TRPV5: variants seen among roughly 807,000 people sequenced by gnomAD.
TRPV5 encodes the protein transient receptor potential cation channel subfamily V member 5, also known as calcium transport protein 2.
TRPV5 carries 66 observed loss-of-function variants against 74.1 expected under a neutral mutation model. The ratio of observed to expected loss-of-function variants is 0.89; its 90% CI spans 0.73 to 1.09. The LOEUF (loss-of-function observed/expected upper bound fraction) is 1.09. TRPV5 is among the 50% of genes least tolerant of loss of function. The probability of loss-of-function intolerance (pLI) is 0.00; values close to 1 mark genes in which losing one functional copy is unlikely to be tolerated. For synonymous variants in TRPV5, 399 were observed against 360.7 expected, an observed-to-expected ratio of 1.11 and a Z score of -1.20; for missense variants, 936 against 930.4, an observed-to-expected ratio of 1.01 and a Z score of -0.08.
rs764773053 is a variant in TRPV5, at chr7:142,929,458, G to A, written c.457C>T (p.Arg153Cys). 2.7e-5 allele frequency: 43 copies of A among 1,613,966 alleles called. No homozygotes were observed. Among genetic ancestry groups the A allele is most frequent in the Non-Finnish European group, 3.1e-5 (37 of 1,180,016 alleles). Residue 153 changes from arginine to cysteine, a missense_variant, in exon 4 of 15, where the codon CGC (arginine) becomes TGC (cysteine). Coordinates refer to ENST00000265310, the MANE Select transcript of TRPV5 (RefSeq NM_019841.7). ...VSARATGTAF[R>C]HSPRNLIYFG... Reference sequence around the variant, plus strand: ...TAGATGAGGTTGCGGGGACTATGGCGGAAGGCAGTGCCTGTGGCTCTGGCA... The same window carrying A: ...TAGATGAGGTTGCGGGGACTATGGCAGAAGGCAGTGCCTGTGGCTCTGGCA...
Position 142,933,356 on chromosome 7 carries a change from T to C in TRPV5, c.104A>G (p.Lys35Arg), listed in dbSNP as rs767032704. The C allele has an allele frequency of 6.2e-7, 1 of 1,614,016 alleles. No homozygotes were observed. The highest frequency in any genetic ancestry group is 1.1e-5 in the South Asian group (1 of 91,068). Reference sequence around the variant, plus strand: ...CCTCTTCTGCTGCAGCATATGAAGCTTGTCCAGGTGCTGGTCCCAGTCTTG... The same window carrying C: ...CCTCTTCTGCTGCAGCATATGAAGCCTGTCCAGGTGCTGGTCCCAGTCTTG... Reference protein sequence around the residue: ...REQDWDQHLDKLHMLQQKRIL... With the variant: ...REQDWDQHLDRLHMLQQKRIL... The change falls in exon 1 of 15, where the codon AAG becomes AGG. Residue 35 changes from lysine to arginine, a missense_variant. By Grantham distance (26) the Lys-to-Arg change is conservative. Coordinates refer to ENST00000265310, the MANE Select transcript of TRPV5 (RefSeq NM_019841.7).
rs773921836 is a variant in TRPV5, at chr7:142,915,325, C to T, written c.1268G>A (p.Gly423Glu). ...SRYFGKTILG[G>E]PFHVIIITYA... Reference sequence around the variant, plus strand: ...TACTCACATGATGACATGGAATGGCCCCCCAAGAATCGTCTTTCCAAAATA... The same window carrying T: ...TACTCACATGATGACATGGAATGGCTCCCCAAGAATCGTCTTTCCAAAATA... Residue 423 changes from glycine (G) to glutamate (E), a missense_variant, in exon 10 of 15, where the codon GGG becomes GAG. Physicochemically the swap from Gly to Glu is moderately conservative, Grantham distance 98 (BLOSUM62 -2). Coordinates refer to ENST00000265310, the MANE Select transcript of TRPV5 (RefSeq NM_019841.7). 5 of 1,608,396 alleles carry T rather than the reference C, an allele frequency of 3.1e-6. No individual in the cohort carries two copies. The Middle Eastern group carries it at 6.6e-4, about 213-fold the overall frequency.
intron 8 of TRPV5, among the ~76,000 whole-genome samples, chr7:142,922,856 A>G (rs1403410474): frequency 1.3e-5 from 2 of 152,226 alleles, no homozygotes; most frequent in Non-Finnish European, 2.9e-5. Context: ...AATCTCTAGT[A>G]AAGCAGAACT....
In TRPV5 at chr7:142,915,337, G is replaced by A. The variant is rs140408532; in HGVS notation, c.1256C>T (p.Thr419Met). Residue 419 changes from threonine (T) to methionine (M), a missense_variant, in exon 10 of 15, where the codon ACG (threonine) becomes ATG (methionine). Coordinates refer to ENST00000265310, the MANE Select transcript of TRPV5 (RefSeq NM_019841.7). ...RVGASRYFGK[T>M]ILGGPFHVII... ...GACATGGAATGGCCCCCCAAGAATC[G>A]TCTTTCCAAAATAGCGAGAGGCACC... is the stretch of plus-strand genomic sequence containing the variant. The A allele has an allele frequency of 2.4e-5, 38 of 1,608,196 alleles. No homozygotes were observed. Among genetic ancestry groups the A allele is most frequent in the East Asian group, 6.7e-5 (3 of 44,856 alleles).
chr7:142,918,099 G>A (rs1292737926), intron 8 of TRPV5, among the ~76,000 whole-genome samples: 2 of 152,196 alleles, frequency 1.3e-5, no homozygotes, highest in African/African-American at 2.4e-5. Context: ...TTAAATTGAA[G>A]TGCTAATAGG....
chr7:142,920,410 A>T lies in TRPV5; in HGVS notation c.1123-4842T>A, dbSNP rs77062354. On this transcript the variant is annotated intron_variant, in intron 8 of 14. Transcript: ENST00000265310. The stretch of plus-strand genomic sequence containing the variant: ...AGAGGAGTATCTGGGGGTATGAATC[A>T]GTATCTGGGGGTATGAATCTTTCTA... Among the ~76,000 whole-genome samples the T allele has an allele frequency of 3.4e-3, 523 of 152,332 alleles. 2 individuals carry two copies. Among genetic ancestry groups the T allele is most frequent in the African/African-American group, 0.012 (509 of 41,576 alleles).
chr7:142,908,666 A>G lies in TRPV5; in HGVS notation c.2038T>C (p.Ser680Pro). Residue 680 changes from serine (S) to proline (P), a missense_variant, in exon 15 of 15, where the codon TCT (serine) becomes CCT (proline). Physicochemically the swap from Ser to Pro is moderately conservative, Grantham distance 74. Transcript: ENST00000265310. Reference sequence around the variant, plus strand: ...AGGGAGGAAGTTGGAAGAGCCAAAGAGGCTCTGGCTAGAGTCCCACTCTCA... The same window carrying G: ...AGGGAGGAAGTTGGAAGAGCCAAAGGGGCTCTGGCTAGAGTCCCACTCTCA... ...GAESGTLARA[S>P]LALPTSSLSR... is the part of the protein sequence containing the mutation. 1 of 1,614,218 alleles carries G rather than the reference A, an allele frequency of 6.2e-7. No homozygotes were observed.
Position 142,933,746 on chromosome 7 carries a change from T to G in TRPV5, c.-287A>C. ...GTGCATGCAGGTGCGCTGAGGGGAC[T>G]GACCGCCCTGCCTGGGGAGAAGTGC... On this transcript the variant is annotated 5_prime_UTR_variant, in exon 1 of 15. Transcript: ENST00000265310. 2 of 367,374 alleles carry G rather than the reference T, an allele frequency of 5.4e-6. No individual in the cohort carries two copies. Among genetic ancestry groups the G allele is most frequent in the Non-Finnish European group, 9.7e-6 (2 of 205,674 alleles). 22.8% of individuals were successfully genotyped at this position (367,374 alleles called of 1,614,324 possible).
chr7:142,927,868 C>T (rs148077005), intron 7 of TRPV5, among the ~76,000 whole-genome samples: 186 of 152,194 alleles, frequency 1.2e-3, no homozygotes, highest in African/African-American at 4.3e-3. Context: ...TGATAGAAGG[C>T]GAAAGGTAGG....
rs544550450 is a variant in TRPV5, at chr7:142,912,758, G to A, written c.1520-8C>T. 2.7e-5 allele frequency: 43 copies of A among 1,610,706 alleles called. 1 individual carries two copies. The highest frequency in any genetic ancestry group is 1.6e-4 in the Middle Eastern group (1 of 6,068). ...GGAAAATGATATAGAACGCTGCTCC[G>A]CCCAGGAAGAGGACATGGAGATGGG... On this transcript the variant is annotated splice_polypyrimidine_tract_variant and splice_region_variant and intron_variant, in intron 12 of 14. Coordinates refer to ENST00000265310, the MANE Select transcript of TRPV5 (RefSeq NM_019841.7).
intron 12 of TRPV5, 56 bp from the exon 13 acceptor site, chr7:142,912,806 C>T: frequency 6.4e-7 from 1 of 1,573,124 alleles, no homozygotes; most frequent in African/African-American, 1.3e-5. Context: ...TCACAATAAG[C>T]ATGGACATGG....
intron 8 of TRPV5, chr7:142,925,213 C>A: frequency 3.6e-6 from 2 of 551,912 alleles, no homozygotes; most frequent in Non-Finnish European, 6.4e-6. Flanking sequence ...TAGAGTTTAC[C>A]TTGAACATCC....
chr7:142,910,598 C>CA, intron 13 of TRPV5, among the ~76,000 whole-genome samples: 1 of 152,264 alleles, frequency 6.6e-6, no homozygotes, highest in East Asian at 1.9e-4. Flanking sequence ...TTCAAAATAG[C>CA]AAATTCTTCA....
In TRPV5 at chr7:142,916,203, C is replaced by T. The variant is rs144591506; in HGVS notation, c.1123-635G>A. On this transcript the variant is annotated intron_variant, in intron 8 of 14. Coordinates refer to ENST00000265310, the MANE Select transcript of TRPV5 (RefSeq NM_019841.7). ...TCATAAATCACTATAGATATATTCA[C>T]TGTGGTTTTATGATGATTTGACATT... Among the ~76,000 whole-genome samples, 36 of 152,258 alleles carry T rather than the reference C, an allele frequency of 2.4e-4. No homozygotes were observed. In the East Asian group the frequency reaches 6.8e-3, roughly 29 times the overall value.
rs199595110 is a variant in TRPV5, at chr7:142,908,499, T to C, written c.*15A>G. The C allele has an allele frequency of 4.3e-6, 7 of 1,613,054 alleles. No homozygotes were observed. Among genetic ancestry groups the C allele is most frequent in the Non-Finnish European group, 5.9e-6 (7 of 1,179,186 alleles). Reference sequence around the variant, plus strand: ...GGCCAACCGGGAGTAAGGTCAAGAGTGATAGCGATGTTAATCAAAAATGGT... The same window carrying C: ...GGCCAACCGGGAGTAAGGTCAAGAGCGATAGCGATGTTAATCAAAAATGGT... On this transcript the variant is annotated 3_prime_UTR_variant, in exon 15 of 15. Transcript: ENST00000265310.
intron 8 of TRPV5, among the ~76,000 whole-genome samples, chr7:142,917,646 C>A (rs1222300615): frequency 6.6e-6 from 1 of 152,226 alleles, no homozygotes; most frequent in Non-Finnish European, 1.5e-5. Context: ...TTACTCTGCA[C>A]AAATTCACTA....
At chr7:142,925,470 T>C in intron 8 of TRPV5, 59 bp downstream of exon 8, 1 of 1,588,912 alleles carries the variant, frequency 6.3e-7, no homozygotes, top group Non-Finnish European at 8.6e-7. Context: ...CATGGCTTCG[T>C]TTCCAGCACC....
At position 142,908,619 on chromosome 7, in the gene TRPV5, G is replaced by C; in HGVS notation, c.2085C>G (p.Ser695Arg). The C allele has an allele frequency of 1.2e-6, 2 of 1,614,240 alleles. No homozygotes were observed. The highest frequency in any genetic ancestry group is 2.2e-5 in the South Asian group (2 of 91,088). The change falls in exon 15 of 15, where the codon AGC (serine) becomes AGG (arginine). Residue 695 changes from serine to arginine, a missense_variant. Ser to Arg is a moderately radical substitution (Grantham distance 110). Transcript: ENST00000265310. ...GGATCTCCCAGCCTCGGTGACTGCTGCTCTGGGACGCGGTCCGGGACAGGG... is the reference window on the plus strand; with the variant it reads ...GGATCTCCCAGCCTCGGTGACTGCTCCTCTGGGACGCGGTCCGGGACAGGG... ...TSSLSRTASQ[S>R]SSHRGWEILR...
chr7:142,929,986 C>T, intron 3 of TRPV5, 72 bp downstream of exon 3: 4 of 1,608,794 alleles, frequency 2.5e-6, no homozygotes, highest in Middle Eastern at 1.7e-4. Context: ...CCTTCAGAGG[C>T]CAATTTTAAG....
Sources: allele counts gnomAD v4.1 joint callset (sites outside exome capture counted in the v4.1 genomes callset), GRCh38; gene constraint gnomAD v4.1.1; transcripts MANE v1.5; gene names NCBI Gene and HGNC (gene_info 2026-07-23, HGNC 2026-07-21).